Variants in TNRC6A observed in about 807,000 individuals in gnomAD.
TNRC6A encodes the protein trinucleotide repeat-containing gene 6A protein.
In TNRC6A, 44 loss-of-function variants were observed where a neutral mutation model predicts 221.2. The ratio of observed to expected loss-of-function variants is 0.20; its 90% CI spans 0.16 to 0.26. The LOEUF is 0.26. Among genes scored for constraint, TNRC6A ranks in the 10% least tolerant of loss-of-function variants. The pLI, the probability that TNRC6A is intolerant of heterozygous loss-of-function variation, is 1.00. For synonymous variants in TNRC6A, 847 were observed against 838.5 expected, an observed-to-expected ratio of 1.01 and a Z score of -0.18; for missense variants, 2,199 against 2,404.4, an observed-to-expected ratio of 0.91 and a Z score of 1.79.
chr16:24,612,381 G>A (rs1242730269), intron 1 of TNRC6A, among the ~76,000 whole-genome samples: 4 of 152,148 alleles, frequency 2.6e-5, no homozygotes, highest in Admixed American at 6.6e-5. Context: ...GCTAATAAGT[G>A]ATAGAGCTAG....
intron 9 of TNRC6A, among the ~76,000 whole-genome samples, chr16:24,796,928 C>G (rs2058232636): frequency 6.6e-6 from 1 of 152,130 alleles, no homozygotes; most frequent in South Asian, 2.1e-4. Flanking sequence ...GAGAGCCAGC[C>G]CTAAGCAGGA....
intron 18 of TNRC6A, among the ~76,000 whole-genome samples, chr16:24,814,742 G>A (rs1357251376): frequency 6.6e-6 from 1 of 152,002 alleles, no homozygotes; most frequent in Non-Finnish European, 1.5e-5. Context: ...AGTTTATTGA[G>A]ATATAATTTA....
intron 1 of TNRC6A, among the ~76,000 whole-genome samples, chr16:24,624,895 T>C (rs1900876662): frequency 6.6e-6 from 1 of 152,216 alleles, no homozygotes; most frequent in Non-Finnish European, 1.5e-5. Flanking sequence ...CTGAGTGTTT[T>C]GGGAAGAAAT....
intron 11 of TNRC6A, among the ~76,000 whole-genome samples, chr16:24,799,106 G>A (rs763792664): frequency 1.3e-5 from 2 of 152,194 alleles, no homozygotes; most frequent in African/African-American, 2.4e-5. Context: ...CATTGTAGGT[G>A]CCTTGTTGCT....
At chr16:24,721,350 C>A (rs2056407193) in intron 2 of TNRC6A, among the ~76,000 whole-genome samples, 1 of 152,148 alleles carries the variant, frequency 6.6e-6, no homozygotes. Flanking sequence ...TAGCCCCAAA[C>A]TGGAAACAAC....
At chr16:24,706,339 T>C (rs926464722) in intron 2 of TNRC6A, among the ~76,000 whole-genome samples, 1 of 152,098 alleles carries the variant, frequency 6.6e-6, no homozygotes, top group African/African-American at 2.4e-5. Context: ...AGGAAAATTT[T>C]GAAAAAGGAA....
intron 2 of TNRC6A, among the ~76,000 whole-genome samples, chr16:24,712,907 C>G (rs2056231205): frequency 7.9e-6 from 1 of 126,702 alleles, no homozygotes; most frequent in African/African-American, 3.2e-5. Flanking sequence ...TTATGTGCCA[C>G]TGTGTGTGTG....
chr16:24,718,363 CT>C (rs2056352707), intron 2 of TNRC6A, among the ~76,000 whole-genome samples: 1 of 152,148 alleles, frequency 6.6e-6, no homozygotes, highest in Non-Finnish European at 1.5e-5. Flanking sequence ...CATCTGTATT[CT>C]TATGAGATCC....
chr16:24,617,734 GC>G (rs1900440023), intron 1 of TNRC6A, among the ~76,000 whole-genome samples: 1 of 152,104 alleles, frequency 6.6e-6, no homozygotes, highest in Non-Finnish European at 1.5e-5. Context: ...AAGTGGTCAA[GC>G]CAGGCTGTGT....
intron 2 of TNRC6A, among the ~76,000 whole-genome samples, chr16:24,711,640 C>T (rs992739677): frequency 6.6e-6 from 1 of 151,036 alleles, no homozygotes; most frequent in African/African-American, 2.5e-5. Context: ...TTTTGAAATT[C>T]ATCCATGTTA....
intron 2 of TNRC6A, among the ~76,000 whole-genome samples, chr16:24,746,223 A>T (rs1023951268): frequency 6.6e-6 from 1 of 152,120 alleles, no homozygotes; most frequent in Admixed American, 6.5e-5. Context: ...AGATGTGTTC[A>T]GTTGTTTCTA....
intron 2 of TNRC6A, among the ~76,000 whole-genome samples, chr16:24,650,169 A>T (rs1034892015): frequency 6.6e-6 from 1 of 152,130 alleles, no homozygotes; most frequent in African/African-American, 2.4e-5. Context: ...TAACATTTGC[A>T]TCTCCATTTA....
Position 24,791,020 on chromosome 16 carries a change from G to A in TNRC6A, c.2378G>A (p.Gly793Glu), listed in dbSNP as rs1025816391. The A allele has an allele frequency of 1.3e-6, 2 of 1,591,704 alleles. No homozygotes were observed. The highest frequency in any genetic ancestry group is 1.7e-6 in the Non-Finnish European group (2 of 1,168,914). ...GATCCCAAACCTGCTCTGAGGTGGG[G>A]AGATTCCAAAGGCTCAAACTGCCAG... ...WGDPKPALRW[G>E]DSKGSNCQGG... is the part of the protein sequence containing the mutation. The change falls in exon 6 of 25, where the codon GGA (glycine) becomes GAA (glutamate). Residue 793 changes from glycine (G) to glutamate (E), a missense_variant. Gly to Glu is a moderately conservative substitution (Grantham distance 98). Around this residue, in one of 8 missense-constraint regions of TNRC6A, gnomAD observed 1,405 missense variants for 1,400.2 expected, o/e 1.00. Transcript: ENST00000395799.
intron 2 of TNRC6A, among the ~76,000 whole-genome samples, chr16:24,666,668 AATAT>A (rs1555487102): frequency 0.017 from 1,077 of 65,074 alleles, 35 homozygotes; most frequent in African/African-American, 0.059. Context: ...AAAAAAAAAA[AATAT>A]ATATATATAT....
chr16:24,704,802 C>T (rs2056065228), intron 2 of TNRC6A, among the ~76,000 whole-genome samples: 1 of 150,096 alleles, frequency 6.7e-6, no homozygotes, highest in Non-Finnish European at 1.5e-5. Context: ...GCATGCAATA[C>T]TTTCACAAGT....
intron 21 of TNRC6A, 106 bp downstream of exon 21, chr16:24,818,806 A>G: frequency 1.2e-6 from 1 of 852,454 alleles, no homozygotes; most frequent in Non-Finnish European, 2.0e-6. Context: ...GAATTAGGAG[A>G]TTCTGTTTGT....
In TNRC6A at chr16:24,687,843, G is replaced by GGAAGAGGAAGAAGAAGAAGAAGAAGAA. The variant is rs1555489486; in HGVS notation, n.402+46839_402+46840insGGAAGAAGAAGAAGAAGAAGAAGAAGA. 7.6e-4 allele frequency among the ~76,000 whole-genome samples: 77 copies of GGAAGAGGAAGAAGAAGAAGAAGAAGAA among 101,906 alleles called. 1 individual carries two copies. Among genetic ancestry groups the GGAAGAGGAAGAAGAAGAAGAAGAAGAA allele is most frequent in the African/African-American group, 2.0e-3 (61 of 29,876 alleles). The allele number at this position is 101,906 out of a possible 152,430, so 66.9% of individuals were successfully genotyped here. A position where few individuals can be genotyped will look rare whatever the true frequency, so the allele number is the denominator to read the frequency against. ...AAGAGGAAGAAGAGGAAGAGGAAGAGGAAGAAGAAGAAGAAGAAGAAGAAG... is the reference window on the plus strand; with the variant it reads ...AAGAGGAAGAAGAGGAAGAGGAAGAGGAAGAGGAAGAAGAAGAAGAAGAAGAAGAAGAAGAAGAAGAAGAAGAAGAAG... On this transcript the variant is annotated intron_variant and non_coding_transcript_variant, in intron 2 of 2. Coordinates refer to the TNRC6A transcript ENST00000566108.
At chr16:24,810,446 A>G (rs900982476) in intron 18 of TNRC6A, among the ~76,000 whole-genome samples, 1 of 152,196 alleles carries the variant, frequency 6.6e-6, no homozygotes, top group Admixed American at 6.5e-5. Context: ...CTTTAGTACA[A>G]TATAATAGGT....
At chr16:24,666,719 A>T (rs987481431) in intron 2 of TNRC6A, among the ~76,000 whole-genome samples, 1 of 145,948 alleles carries the variant, frequency 6.9e-6, no homozygotes, top group Non-Finnish European at 1.5e-5. Flanking sequence ...CAGTGGTGAC[A>T]GCTGGAAAAA....
Sources: allele counts gnomAD v4.1 joint callset (sites outside exome capture counted in the v4.1 genomes callset), GRCh38; gene constraint gnomAD v4.1.1; regional missense constraint gnomAD v4.1.1; transcripts MANE v1.5; gene names NCBI Gene and HGNC (gene_info 2026-07-23, HGNC 2026-07-21).